PDCD11: variants seen among roughly 807,000 people sequenced by gnomAD.
PDCD11 encodes the protein programmed cell death 11.
In PDCD11, 97 loss-of-function variants were observed where a neutral mutation model predicts 198.9. The observed-to-expected ratio is 0.49, with a 90% confidence interval of 0.41 to 0.58. PDCD11 has a LOEUF of 0.58. PDCD11 is among the 20% of genes least tolerant of loss of function. The pLI, the probability that PDCD11 is intolerant of heterozygous loss-of-function variation, is 0.00. For synonymous variants in PDCD11, 893 were observed against 918.0 expected (o/e 0.97, Z 0.49); for missense variants, 2,102 against 2,312.7 (o/e 0.91, Z 1.87).
chr10:103,400,414 A>G lies in PDCD11; in HGVS notation c.120A>G (p.Gly40=), dbSNP rs764357984. 6.2e-7 allele frequency: 1 copy of G among 1,613,288 alleles called. No homozygotes were observed. The highest frequency in any genetic ancestry group is 8.5e-7 in the Non-Finnish European group (1 of 1,179,862). Residue 40 remains glycine, a synonymous_variant, in exon 3 of 36, where the codon GGA becomes GGG. Transcript: ENST00000369797. The stretch of plus-strand genomic sequence containing the variant: ...GCTTCTAGATTTCTACTGAAGAGGG[A>G]TCCACCAAAAGAAAAAAGAGCCAGA... ...DNLFDISTEE[G]STKRKKSQKG... is the part of the protein sequence containing the mutation.
At chr10:103,405,841 G>C in intron 5 of PDCD11, 144 bp from the exon 6 acceptor site, 1 of 820,640 alleles carries the variant, frequency 1.2e-6, no homozygotes, top group South Asian at 1.6e-5. Context: ...CTGCTGTCTA[G>C]TGGGATTGTG....
At position 103,440,480 on chromosome 10, in the gene PDCD11, CAGG is replaced by C. The variant is rs780160606; in HGVS notation, c.4346_4348del (p.Glu1449del). On this transcript the variant is annotated inframe_deletion, in exon 29 of 36. Transcript: ENST00000369797. ...GAACGAGAAGAAGAACCAGAAGGGG[CAGG>C]AGGAGGTGGAGATGCCCAGCAAGGA... The C allele has an allele frequency of 1.2e-4, 191 of 1,613,894 alleles. 1 individual carries two copies. In the South Asian group the frequency reaches 2.0e-3, roughly 17 times the overall value.
chr10:103,417,541 A>G (rs2031177165), intron 13 of PDCD11, among the ~76,000 whole-genome samples: 1 of 152,242 alleles, frequency 6.6e-6, no homozygotes. Context: ...CATCTCCATC[A>G]CCTCAAAAAG....
intron 4 of PDCD11, among the ~76,000 whole-genome samples, chr10:103,403,529 A>G (rs2030246776): frequency 6.6e-6 from 1 of 152,210 alleles, no homozygotes; most frequent in Non-Finnish European, 1.5e-5. Context: ...AAGCAATGTA[A>G]TATATAACAG....
At position 103,445,941 on chromosome 10, in the gene PDCD11, GGTCA is replaced by G; in HGVS notation, c.*395_*398del. On this transcript the variant is annotated 3_prime_UTR_variant, in exon 36 of 36. Transcript: ENST00000369797. ...GCAGGCTGTCAGTCCAGCTGGAGGG[GGTCA>G]GTAGGCTCCAGGGAGTGGGCCCTCC... is the stretch of plus-strand genomic sequence containing the variant. The G allele has an allele frequency of 5.4e-6, 1 of 185,364 alleles. No individual in the cohort carries two copies. The highest frequency in any genetic ancestry group is 1.3e-4 in the East Asian group (1 of 7,614). 11.5% of individuals were successfully genotyped at this position (185,364 alleles called of 1,614,324 possible).
In PDCD11 at chr10:103,443,278, C is replaced by T. The variant is rs567796942; in HGVS notation, c.5069C>T (p.Pro1690Leu). The T allele has an allele frequency of 6.2e-7, 1 of 1,612,666 alleles. No individual in the cohort carries two copies. Among genetic ancestry groups the T allele is most frequent in the South Asian group, 1.1e-5 (1 of 91,038 alleles). Reference sequence around the variant, plus strand: ...GAGCGAGCCGTGCAGTACAACGAGCCTCTCAAAGTCTTTCTCCACCTGGCT... The same window carrying T: ...GAGCGAGCCGTGCAGTACAACGAGCTTCTCAAAGTCTTTCTCCACCTGGCT... ...VFERAVQYNE[P>L]LKVFLHLADI... The change falls in exon 33 of 36, where the codon CCT becomes CTT. Residue 1690 changes from proline to leucine, a missense_variant. Pro to Leu is a moderately conservative substitution (Grantham distance 98). Coordinates refer to ENST00000369797, the MANE Select transcript of PDCD11 (RefSeq NM_014976.2).
In PDCD11 at chr10:103,434,781, G is replaced by A. The variant is rs2032080890; in HGVS notation, c.3668-17G>A. ...GCTCATTTCCTCTTCCCTGAATCAG[G>A]TTGGTTCTTCCACCAGGTCCTCACA... On this transcript the variant is annotated splice_polypyrimidine_tract_variant and intron_variant, in intron 24 of 35. Transcript: ENST00000369797. 6.3e-7 allele frequency: 1 copy of A among 1,597,708 alleles called. No homozygotes were observed. The highest frequency in any genetic ancestry group is 8.5e-7 in the Non-Finnish European group (1 of 1,171,420).
intron 20 of PDCD11, 98 bp downstream of exon 20, chr10:103,425,623 C>T: frequency 1.0e-6 from 1 of 991,682 alleles, no homozygotes; most frequent in Non-Finnish European, 1.5e-6. Flanking sequence ...GCATGTAAGT[C>T]AGATTCTCTT....
At chr10:103,421,973 C>CAAA (rs964087668) in intron 17 of PDCD11, among the ~76,000 whole-genome samples, 4 of 26,178 alleles carry the variant, frequency 1.5e-4, no homozygotes, top group African/African-American at 5.3e-4. Context: ...GACTCCGTCT[C>CAAA]AAAAAAAAAA....
At position 103,434,285 on chromosome 10, in the gene PDCD11, AG is replaced by A; in HGVS notation, c.3604del (p.Ala1202ProfsTer2). 6.2e-7 allele frequency: 1 copy of A among 1,613,910 alleles called. No homozygotes were observed. Among genetic ancestry groups the A allele is most frequent in the Non-Finnish European group, 8.5e-7 (1 of 1,179,742 alleles). On this transcript the variant is annotated frameshift_variant, in exon 24 of 36. Coordinates refer to ENST00000369797, the MANE Select transcript of PDCD11 (RefSeq NM_014976.2). LOFTEE classifies it high-confidence loss of function. ...CCAGATAAGAAGTTCCGGGTTGGCC[AG>A]GCCCTGAGGGCCACCGTTGTTGGCC... ...KHPDKKFRVG[Q>X]ALRATVVGPD...
rs1374932819 is a variant in PDCD11 at position 103,403,289 on chromosome 10, A to T, written c.402+4A>T. 1 of 1,607,608 alleles carries T rather than the reference A, an allele frequency of 6.2e-7. No homozygotes were observed. Among genetic ancestry groups the T allele is most frequent in the Non-Finnish European group, 8.5e-7 (1 of 1,177,742 alleles). Reference sequence around the variant, plus strand: ...GACACAAGAACAACCTCTGAAGGTAAGGGAAATCCGAATGAAGCCTGTTAT... The same window carrying T: ...GACACAAGAACAACCTCTGAAGGTATGGGAAATCCGAATGAAGCCTGTTAT... On this transcript the variant is annotated splice_donor_region_variant and intron_variant, in intron 4 of 35. Coordinates refer to ENST00000369797, the MANE Select transcript of PDCD11 (RefSeq NM_014976.2).
Position 103,417,795 on chromosome 10 carries a change from G to T in PDCD11, c.1774G>T (p.Val592Leu). ...PERVFYTGQV[V>L]KVVVLNCEPS... ...AGCCTGTGTGGTTTCTTGCCAGGTG[G>T]TGAAGGTTGTCGTATTGAACTGTGA... The change falls in exon 14 of 36, where the codon GTG becomes TTG. Residue 592 changes from valine to leucine, a missense_variant. Val to Leu is a conservative substitution (Grantham distance 32). Transcript: ENST00000369797. 6.2e-7 allele frequency: 1 copy of T among 1,613,394 alleles called. No individual in the cohort carries two copies. The highest frequency in any genetic ancestry group is 8.5e-7 in the Non-Finnish European group (1 of 1,179,842).
In PDCD11 at chr10:103,418,773, A is replaced by G; in HGVS notation, c.2106+139A>G. On this transcript the variant is annotated intron_variant, in intron 15 of 35. Transcript: ENST00000369797. ...CCAAACCAGTGATGAAGCCTGTGCTATGGAAAGTAAGAGCAGGCCTGAGTA... is the reference window on the plus strand; with the variant it reads ...CCAAACCAGTGATGAAGCCTGTGCTGTGGAAAGTAAGAGCAGGCCTGAGTA... 5 of 716,146 alleles carry G rather than the reference A, an allele frequency of 7.0e-6. No homozygotes were observed. The South Asian group carries it at 9.3e-5, about 13-fold the overall frequency. The allele number at this position is 716,146 out of a possible 1,614,324, so 44.4% of individuals were successfully genotyped here. A position where few individuals can be genotyped will look rare whatever the true frequency, so the allele number is the denominator to read the frequency against.
In PDCD11 at chr10:103,433,984, G is replaced by T. The variant is rs1346398020; in HGVS notation, c.3511G>T (p.Ala1171Ser). ...VVKKWLEVEI[A>S]PDIRGRIPLL... The stretch of plus-strand genomic sequence containing the variant: ...GAAGAAATGGCTTGAGGTGGAGATT[G>T]CCCCAGACATCCGGGGGAGAATTCC... The change falls in exon 23 of 36, where the codon GCC becomes TCC. Residue 1171 changes from alanine (A) to serine (S), a missense_variant. By Grantham distance (99) the Ala-to-Ser change is moderately conservative. Coordinates refer to ENST00000369797, the MANE Select transcript of PDCD11 (RefSeq NM_014976.2). 2 of 1,613,972 alleles carry T rather than the reference G, an allele frequency of 1.2e-6. No homozygotes were observed. The highest frequency in any genetic ancestry group is 1.1e-5 in the South Asian group (1 of 91,074).
chr10:103,410,912 AAAAAT>A (rs1252478484), intron 8 of PDCD11, among the ~76,000 whole-genome samples: 1 of 151,838 alleles, frequency 6.6e-6, no homozygotes, highest in Admixed American at 6.6e-5. Flanking sequence ...CGTCTCTACT[AAAAAT>A]AAAAAAAATT....
At chr10:103,444,171 G>A (rs1302600014) in intron 34 of PDCD11, 103 bp downstream of exon 34, 1 of 973,268 alleles carries the variant, frequency 1.0e-6, no homozygotes, top group Non-Finnish European at 1.5e-6. Flanking sequence ...GCCTTGTGAG[G>A]GCTTTCCTCT....
intron 30 of PDCD11, among the ~76,000 whole-genome samples, chr10:103,441,254 T>A (rs1279201104): frequency 6.6e-6 from 1 of 152,104 alleles, no homozygotes; most frequent in Non-Finnish European, 1.5e-5. Context: ...AGCTCTACTG[T>A]TATTTTTATT....
At chr10:103,416,974 C>T (rs1592123942) in intron 13 of PDCD11, among the ~76,000 whole-genome samples, 1 of 152,174 alleles carries the variant, frequency 6.6e-6, no homozygotes, top group South Asian at 2.1e-4. Flanking sequence ...TGGAAGAGGT[C>T]AGTCTTTACT....
At chr10:103,408,340 T>G (rs2133686252) in intron 7 of PDCD11, among the ~76,000 whole-genome samples, 1 of 152,152 alleles carries the variant, frequency 6.6e-6, no homozygotes, top group Middle Eastern at 3.4e-3. Flanking sequence ...TATTCTTCTT[T>G]TTGGGTTTAC....
Sources: gnomAD v4.1 joint callset for allele counts (sites outside exome capture counted in the v4.1 genomes callset) on GRCh38, gnomAD v4.1.1 for gene constraint, MANE v1.5 for transcripts, NCBI Gene and HGNC (gene_info 2026-07-23, HGNC 2026-07-21) for gene names.